The following GPC5 variants were observed in gnomAD, a reference collection of about 807,000 sequenced individuals.
The protein encoded by GPC5 is glypican 5, also known as glypican-5.
In GPC5, 47 loss-of-function variants were observed where a neutral mutation model predicts 53.9. That is an observed-to-expected ratio of 0.87 (90% CI 0.69 to 1.11). The LOEUF (loss-of-function observed/expected upper bound fraction) is 1.11. Ranked by LOEUF, GPC5 falls within the 50% of genes most tolerant of loss-of-function variation. The probability of loss-of-function intolerance (pLI) is 0.00; values close to 1 mark genes in which losing one functional copy is unlikely to be tolerated. For missense variants in GPC5, 748 were observed against 713.1 expected (o/e 1.05, Z -0.56); for synonymous variants, 286 against 263.3 (o/e 1.09, Z -0.84).
intron 2 of GPC5, among the ~76,000 whole-genome samples, chr13:91,589,897 T>C (rs912723449): frequency 2.0e-5 from 3 of 152,148 alleles, no homozygotes; most frequent in Non-Finnish European, 4.4e-5. Flanking sequence ...ACTATGGGTA[T>C]CTTCTATGGA....
chr13:91,640,940 T>C (rs1198951504), intron 2 of GPC5, among the ~76,000 whole-genome samples: 3 of 152,104 alleles, frequency 2.0e-5, no homozygotes, highest in Non-Finnish European at 4.4e-5. Flanking sequence ...AGGAATACTA[T>C]GCAGCCATAA....
At chr13:91,423,907 C>T in intron 1 of GPC5, among the ~76,000 whole-genome samples, 1 of 152,140 alleles carries the variant, frequency 6.6e-6, no homozygotes, top group South Asian at 2.1e-4. Context: ...TATATGCATA[C>T]AATTTATTTT....
intron 7 of GPC5, among the ~76,000 whole-genome samples, chr13:92,823,281 G>A (rs1264831794): frequency 2.0e-5 from 3 of 152,072 alleles, no homozygotes; most frequent in Admixed American, 1.3e-4. Flanking sequence ...CTTTCTAAAT[G>A]TCAGTTCCTG....
chr13:91,981,438 C>T (rs959814934), intron 6 of GPC5, among the ~76,000 whole-genome samples: 7 of 152,214 alleles, frequency 4.6e-5, no homozygotes, highest in Non-Finnish European at 1.0e-4. Flanking sequence ...TACAGGTGCC[C>T]GCCACTACGC....
intron 1 of GPC5, among the ~76,000 whole-genome samples, chr13:91,429,868 A>G (rs562091182): frequency 1.3e-5 from 2 of 152,294 alleles, no homozygotes; most frequent in East Asian, 3.9e-4. Context: ...TCCGTAGACC[A>G]CTTTTAAAAT....
intron 2 of GPC5, among the ~76,000 whole-genome samples, chr13:91,622,932 T>C (rs542889743): frequency 1.3e-5 from 2 of 152,144 alleles, no homozygotes; most frequent in Admixed American, 6.6e-5. Flanking sequence ...CCATGATTCA[T>C]AGGCTGAGGA....
intron 7 of GPC5, among the ~76,000 whole-genome samples, chr13:92,218,903 TG>T (rs1345546306): frequency 8.5e-5 from 13 of 152,294 alleles, no homozygotes; most frequent in African/African-American, 3.1e-4. Context: ...GCTATCTCTT[TG>T]GGGGCAGAAC....
intron 2 of GPC5, among the ~76,000 whole-genome samples, chr13:91,611,841 T>A (rs1397663104): frequency 6.6e-6 from 1 of 152,234 alleles, no homozygotes; most frequent in Non-Finnish European, 1.5e-5. Flanking sequence ...TGATGCTCTC[T>A]TTTTCCTTCC....
chr13:92,599,539 T>C (rs1430505839), intron 7 of GPC5, among the ~76,000 whole-genome samples: 1 of 152,152 alleles, frequency 6.6e-6, no homozygotes, highest in African/African-American at 2.4e-5. Flanking sequence ...ATCTGCAGTG[T>C]GTGGAAAATG....
rs535463706 is a variant in GPC5, at chr13:92,311,101, A to G, written c.1561+166112A>G. ...AGAGCCACTTTATATCTTTTATGGA[A>G]AAACAAGAAAAACAAAAAGTTATAA... On this transcript the variant is annotated intron_variant, in intron 7 of 7. Transcript: ENST00000377067. 5.9e-5 allele frequency among the ~76,000 whole-genome samples: 9 copies of G among 152,356 alleles called. No individual in the cohort carries two copies. The East Asian group carries it at 1.2e-3, about 20-fold the overall frequency.
At chr13:92,451,424 C>T (rs545057937) in intron 7 of GPC5, among the ~76,000 whole-genome samples, 41 of 152,022 alleles carry the variant, frequency 2.7e-4, no homozygotes, top group Middle Eastern at 3.4e-3. Flanking sequence ...ATGTCATCTA[C>T]ACCTAAAATT....
chr13:91,530,999 C>T (rs947814860), intron 2 of GPC5, among the ~76,000 whole-genome samples: 4 of 152,180 alleles, frequency 2.6e-5, no homozygotes, highest in Non-Finnish European at 2.9e-5. Flanking sequence ...ATTACAATTG[C>T]TCTTTCTTAC....
chr13:92,265,368 C>A (rs2042796066), intron 7 of GPC5, among the ~76,000 whole-genome samples: 1 of 152,114 alleles, frequency 6.6e-6, no homozygotes, highest in Non-Finnish European at 1.5e-5. Flanking sequence ...TTTAGTTCAT[C>A]ACTCTTAAAT....
chr13:92,141,788 G>A (rs560657088), intron 6 of GPC5, among the ~76,000 whole-genome samples: 2 of 152,094 alleles, frequency 1.3e-5, no homozygotes, highest in African/African-American at 4.8e-5. Flanking sequence ...GGGAGAATCT[G>A]CTCCCAAGCT....
chr13:92,289,723 A>G (rs888439756), intron 7 of GPC5, among the ~76,000 whole-genome samples: 20 of 152,044 alleles, frequency 1.3e-4, no homozygotes, highest in African/African-American at 4.6e-4. Flanking sequence ...CATCCACTTA[A>G]TAATGAAGTA....
chr13:91,996,274 C>A (rs1379133272), intron 6 of GPC5: 1 of 152,236 alleles, frequency 6.6e-6, no homozygotes, highest in Non-Finnish European at 1.5e-5. Flanking sequence ...TCAGTTATCT[C>A]CACTAGGACT....
chr13:91,495,712 TAGGGAAA>T (rs1884214966), intron 2 of GPC5, among the ~76,000 whole-genome samples: 1 of 152,190 alleles, frequency 6.6e-6, no homozygotes, highest in Non-Finnish European at 1.5e-5. Flanking sequence ...CTTTCCAAAA[TAGGGAAA>T]ACAAACACTG....
rs537000947 is a variant in GPC5, at chr13:92,667,159, C to T, written c.1562-199123C>T. Among the ~76,000 whole-genome samples the T allele has an allele frequency of 5.9e-5, 9 of 152,156 alleles. No individual in the cohort carries two copies. In the East Asian group the frequency reaches 1.4e-3, roughly 23 times the overall value. On this transcript the variant is annotated intron_variant, in intron 7 of 7. Coordinates refer to ENST00000377067, the MANE Select transcript of GPC5 (RefSeq NM_004466.6). ...CTGTTTTTTAGAACTGTCTGGGTTT[C>T]GAGGTCTTAAACAGAGGCATGCATG...
chr13:91,539,820 A>G (rs537901869), intron 2 of GPC5, among the ~76,000 whole-genome samples: 6 of 152,302 alleles, frequency 3.9e-5, no homozygotes, highest in Non-Finnish European at 5.9e-5. Flanking sequence ...ATATGTTTAG[A>G]TACAACATCA....
Sources: gnomAD v4.1 joint callset for allele counts (sites outside exome capture counted in the v4.1 genomes callset) on GRCh38, gnomAD v4.1.1 for gene constraint, MANE v1.5 for transcripts, NCBI Gene and HGNC (gene_info 2026-07-23, HGNC 2026-07-21) for gene names.